The following CNTNAP5 variants were observed in gnomAD, a reference collection of about 807,000 sequenced individuals.
CNTNAP5 encodes the protein contactin-associated protein-like 5.
A neutral mutation model predicts 150.2 loss-of-function variants in CNTNAP5; 72 were observed. The ratio of observed to expected loss-of-function variants is 0.48; its 90% CI spans 0.40 to 0.58. The LOEUF is 0.58. CNTNAP5 is among the 20% of genes least tolerant of loss of function. The pLI, the probability that CNTNAP5 is intolerant of heterozygous loss-of-function variation, is 0.00. For missense variants in CNTNAP5, 1,636 were observed against 1,626.2 expected, an observed-to-expected ratio of 1.01 and a Z score of -0.10; for synonymous variants, 672 against 619.8, an observed-to-expected ratio of 1.08 and a Z score of -1.25.
chr2:124,694,489 T>C (rs1664104149), intron 13 of CNTNAP5, among the ~76,000 whole-genome samples: 1 of 152,116 alleles, frequency 6.6e-6, no homozygotes, highest in South Asian at 2.1e-4. Flanking sequence ...AGCTGTGTGG[T>C]TTGGCAGAAT....
At chr2:124,542,342 G>T (rs1436579651) in intron 10 of CNTNAP5, among the ~76,000 whole-genome samples, 1 of 150,576 alleles carries the variant, frequency 6.6e-6, no homozygotes, top group African/African-American at 2.5e-5. Flanking sequence ...AGAAGCTCAA[G>T]AGCAAGAGAG....
At position 124,057,583 on chromosome 2, in the gene CNTNAP5, C is replaced by G. The variant is rs1573723142; in HGVS notation, c.82+31851C>G. Reference sequence around the variant, plus strand: ...GGGATTACAGGCATGAGCCACCGCTCCTGGCCAACAAGTCCATTCTTAATT... The same window carrying G: ...GGGATTACAGGCATGAGCCACCGCTGCTGGCCAACAAGTCCATTCTTAATT... On this transcript the variant is annotated intron_variant, in intron 1 of 23. Transcript: ENST00000682447. 2.6e-5 allele frequency among the ~76,000 whole-genome samples: 4 copies of G among 151,622 alleles called. No individual in the cohort carries two copies. In the South Asian group the frequency reaches 8.4e-4, roughly 32 times the overall value.
chr2:124,517,494 T>C (rs975652479), intron 8 of CNTNAP5, among the ~76,000 whole-genome samples: 3 of 149,576 alleles, frequency 2.0e-5, no homozygotes, highest in Non-Finnish European at 4.4e-5. Context: ...GTGTTGGTAA[T>C]GGAGAGTTGT....
At chr2:124,189,080 G>A (rs1328534716) in intron 1 of CNTNAP5, among the ~76,000 whole-genome samples, 1 of 152,084 alleles carries the variant, frequency 6.6e-6, no homozygotes, top group Non-Finnish European at 1.5e-5. Context: ...TTCTAATCAT[G>A]AGTGGCCTCT....
chr2:124,106,597 C>T lies in CNTNAP5; in HGVS notation c.82+80865C>T, dbSNP rs147304025. 2.5e-3 allele frequency among the ~76,000 whole-genome samples: 382 copies of T among 152,272 alleles called. 5 individuals carry two copies. In the South Asian group the frequency reaches 0.03, roughly 12 times the overall value. Reference sequence around the variant, plus strand: ...CCCAAAAAGCCATGAAGACTCTACCCCTTCACCCATTCTTTTCCGAATGCA... The same window carrying T: ...CCCAAAAAGCCATGAAGACTCTACCTCTTCACCCATTCTTTTCCGAATGCA... On this transcript the variant is annotated intron_variant, in intron 1 of 23. Transcript: ENST00000682447.
chr2:124,801,712 T>G (rs1244327051), intron 19 of CNTNAP5, among the ~76,000 whole-genome samples: 1 of 152,230 alleles, frequency 6.6e-6, no homozygotes, highest in Non-Finnish European at 1.5e-5. Flanking sequence ...TCTTACAGCT[T>G]GTTCCCAGTA....
In CNTNAP5 at chr2:124,504,291, G is replaced by A; in HGVS notation, c.1063-1G>A. Reference sequence around the variant, plus strand: ...TATGTTTGACTTTTATTGTTTTCCAGGGCAATGTCACTTTTTCCTGCTCCG... The same window carrying A: ...TATGTTTGACTTTTATTGTTTTCCAAGGCAATGTCACTTTTTCCTGCTCCG... On this transcript the variant is annotated splice_acceptor_variant, in intron 7 of 23. Transcript: ENST00000682447. LOFTEE classifies it high-confidence loss of function. 1.2e-6 allele frequency: 2 copies of A among 1,610,428 alleles called. No homozygotes were observed. The highest frequency in any genetic ancestry group is 1.7e-6 in the Non-Finnish European group (2 of 1,176,956).
At chr2:124,685,799 G>A (rs968054059) in intron 13 of CNTNAP5, among the ~76,000 whole-genome samples, 15 of 151,538 alleles carry the variant, frequency 9.9e-5, no homozygotes, top group African/African-American at 3.2e-4. Context: ...TGATAGCGAG[G>A]GAATGAATGG....
chr2:124,599,241 T>G (rs1696921238), intron 11 of CNTNAP5, among the ~76,000 whole-genome samples: 1 of 152,244 alleles, frequency 6.6e-6, no homozygotes, highest in African/African-American at 2.4e-5. Flanking sequence ...GGATTTAATT[T>G]CATCTTTTTC....
chr2:124,047,044 CA>C (rs1203108512), intron 1 of CNTNAP5, among the ~76,000 whole-genome samples: 1 of 152,160 alleles, frequency 6.6e-6, no homozygotes, highest in African/African-American at 2.4e-5. Flanking sequence ...GTATCAATCA[CA>C]GCCTAAGAAT....
intron 3 of CNTNAP5, among the ~76,000 whole-genome samples, chr2:124,285,592 G>C (rs1688130613): frequency 6.6e-6 from 1 of 151,946 alleles, no homozygotes; most frequent in South Asian, 2.1e-4. Flanking sequence ...TTGAGGCTAA[G>C]GGTTCAAGAC....
chr2:124,889,856 C>G (rs764466560), intron 21 of CNTNAP5, among the ~76,000 whole-genome samples: 1 of 151,960 alleles, frequency 6.6e-6, no homozygotes, highest in African/African-American at 2.4e-5. Flanking sequence ...ATTATCGCCA[C>G]TGTTATATGT....
At position 124,692,555 on chromosome 2, in the gene CNTNAP5, G is replaced by A. The variant is rs750636244; in HGVS notation, c.2077+44597G>A. On this transcript the variant is annotated intron_variant, in intron 13 of 23. Coordinates refer to ENST00000682447, the MANE Select transcript of CNTNAP5 (RefSeq NM_001367498.1). ...AGCTTATCCATGGAGGTTGGAAGGG[G>A]GAAGGAAAGATGTCACAAGTGATAT... Among the ~76,000 whole-genome samples the A allele has an allele frequency of 1.1e-4, 17 of 152,090 alleles. 1 individual carries two copies. Among genetic ancestry groups the A allele is most frequent in the Admixed American group, 3.9e-4 (6 of 15,272 alleles).
At chr2:124,610,872 G>T in intron 12 of CNTNAP5, among the ~76,000 whole-genome samples, 1 of 151,038 alleles carries the variant, frequency 6.6e-6, no homozygotes, top group East Asian at 2.0e-4. Context: ...CACGAGACTC[G>T]CTTGAACCCG....
At chr2:124,442,918 A>G (rs1039311932) in intron 5 of CNTNAP5, among the ~76,000 whole-genome samples, 1 of 152,178 alleles carries the variant, frequency 6.6e-6, no homozygotes, top group Admixed American at 6.5e-5. Context: ...AACCTACCAG[A>G]CAGCCAAATT....
At position 124,778,846 on chromosome 2, in the gene CNTNAP5, GAA is replaced by G. The variant is rs78363063; in HGVS notation, c.2752+5840_2752+5841del. 6.2e-4 allele frequency among the ~76,000 whole-genome samples: 86 copies of G among 137,966 alleles called. 1 individual carries two copies. The highest frequency in any genetic ancestry group is 3.8e-3 in the Middle Eastern group (1 of 266). The allele number at this position is 137,966 out of a possible 152,430, so 90.5% of individuals were successfully genotyped here. On this transcript the variant is annotated intron_variant, in intron 17 of 23. Coordinates refer to ENST00000682447, the MANE Select transcript of CNTNAP5 (RefSeq NM_001367498.1). Reference sequence around the variant, plus strand: ...GTAACAAATAGAGACAAGTTAAAAAGAAAAAAAAAAAAGAGTTTCTTCTGAAC... The same window carrying G: ...GTAACAAATAGAGACAAGTTAAAAAGAAAAAAAAAAGAGTTTCTTCTGAAC...
At chr2:124,517,660 G>A (rs1012028112) in intron 8 of CNTNAP5, among the ~76,000 whole-genome samples, 3 of 144,880 alleles carry the variant, frequency 2.1e-5, no homozygotes, top group Non-Finnish European at 3.0e-5. Flanking sequence ...GAGGGTTGTA[G>A]TGTTGGTGAT....
At chr2:124,383,407 G>A (rs948314586) in intron 3 of CNTNAP5, among the ~76,000 whole-genome samples, 2 of 152,028 alleles carry the variant, frequency 1.3e-5, no homozygotes, top group African/African-American at 4.8e-5. Flanking sequence ...AGTCTTTTGA[G>A]GCCCATTGCA....
chr2:124,808,623 T>G (rs1043518675), intron 19 of CNTNAP5, among the ~76,000 whole-genome samples: 3 of 151,982 alleles, frequency 2.0e-5, no homozygotes, highest in Non-Finnish European at 4.4e-5. Context: ...CAAATAACTT[T>G]TTATTTTATT....
Sources: gnomAD v4.1 joint callset for allele counts (sites outside exome capture counted in the v4.1 genomes callset) on GRCh38, gnomAD v4.1.1 for gene constraint, MANE v1.5 for transcripts, NCBI Gene and HGNC (gene_info 2026-07-23, HGNC 2026-07-21) for gene names.